SPATA16: variants seen among roughly 807,000 people sequenced by gnomAD.
The protein encoded by SPATA16 is spermatogenesis associated 16, also known as spermatogenesis-associated protein 16.
A neutral mutation model predicts 63.3 loss-of-function variants in SPATA16; 36 were observed. The observed-to-expected ratio is 0.57, with a 90% CI of 0.44 to 0.75. SPATA16 has a LOEUF of 0.75. Among genes scored for constraint, SPATA16 ranks in the 30% least tolerant of loss-of-function variants. The pLI is 0.00. For missense variants in SPATA16, 646 were observed against 679.3 expected (o/e 0.95, Z 0.54); for synonymous variants, 203 against 216.7 (o/e 0.94, Z 0.56).
chr3:172,975,992 A>T (rs1309578634), intron 5 of SPATA16, among the ~76,000 whole-genome samples: 1 of 152,124 alleles, frequency 6.6e-6, no homozygotes, highest in Non-Finnish European at 1.5e-5. Context: ...CTTTACAGTT[A>T]GTGGCTTAGA....
intron 10 of SPATA16, among the ~76,000 whole-genome samples, chr3:172,900,534 G>A (rs539528511): frequency 6.6e-6 from 1 of 152,206 alleles, no homozygotes; most frequent in African/African-American, 2.4e-5. Context: ...CTGAAACTCT[G>A]ATGTCATGAA....
At chr3:173,122,548 T>A (rs1269064513) in intron 1 of SPATA16, among the ~76,000 whole-genome samples, 1 of 152,218 alleles carries the variant, frequency 6.6e-6, no homozygotes, top group Non-Finnish European at 1.5e-5. Context: ...TGCTGTTAAA[T>A]GTAACCAGTG....
chr3:173,013,753 C>T (rs1050370788), intron 4 of SPATA16, among the ~76,000 whole-genome samples: 2 of 152,178 alleles, frequency 1.3e-5, no homozygotes, highest in African/African-American at 2.4e-5. Context: ...AGGCTCATGA[C>T]CTTCATTCTA....
intron 5 of SPATA16, among the ~76,000 whole-genome samples, chr3:172,967,318 A>G (rs1214004262): frequency 6.6e-6 from 1 of 152,226 alleles, no homozygotes; most frequent in Non-Finnish European, 1.5e-5. Context: ...CATTTAAATG[A>G]TGTGGGCTTC....
chr3:172,934,762 G>C (rs552755437), intron 6 of SPATA16, among the ~76,000 whole-genome samples: 26 of 152,128 alleles, frequency 1.7e-4, no homozygotes, highest in Admixed American at 1.6e-3. Flanking sequence ...AGTCAGCAAG[G>C]CTTTGACTTA....
intron 3 of SPATA16, 104 bp from the exon 4 acceptor site, chr3:173,019,679 T>C (rs1735274908): frequency 3.7e-6 from 4 of 1,079,540 alleles, no homozygotes; most frequent in Non-Finnish European, 5.6e-6. Flanking sequence ...ATATACTATG[T>C]GTTTTTAAAG....
chr3:172,950,678 A>G (rs964403470), intron 6 of SPATA16, among the ~76,000 whole-genome samples: 1 of 152,224 alleles, frequency 6.6e-6, no homozygotes, highest in Non-Finnish European at 1.5e-5. Context: ...CTGGTAAATG[A>G]TGACTGAACA....
chr3:172,961,508 G>T (rs935042235), intron 5 of SPATA16, among the ~76,000 whole-genome samples: 4 of 151,970 alleles, frequency 2.6e-5, no homozygotes. Context: ...TATTCTCCCA[G>T]TGCAGCCTCC....
At chr3:172,960,891 C>CTCCT (rs1315468517) in intron 5 of SPATA16, among the ~76,000 whole-genome samples, 2 of 81,100 alleles carry the variant, frequency 2.5e-5, no homozygotes, top group South Asian at 3.5e-4. Flanking sequence ...CTTTCTCTCT[C>CTCCT]TCCTTCCTTC....
At chr3:173,029,509 C>A (rs1237455861) in intron 3 of SPATA16, among the ~76,000 whole-genome samples, 1 of 151,468 alleles carries the variant, frequency 6.6e-6, no homozygotes, top group Non-Finnish European at 1.5e-5. Context: ...CAGGTGACAC[C>A]TTCACATGCA....
chr3:173,051,813 CT>C (rs11367724), intron 2 of SPATA16, among the ~76,000 whole-genome samples: 33,420 of 148,264 alleles, frequency 0.23, 4,015 homozygotes, highest in African/African-American at 0.31. Flanking sequence ...TTTAGGCACA[CT>C]TTTTTTTTTT....
In SPATA16 at chr3:173,019,742, A is replaced by G. The variant is rs1018760485; in HGVS notation, c.759-167T>C. Among the ~76,000 whole-genome samples, 5 of 152,350 alleles carry G rather than the reference A, an allele frequency of 3.3e-5. No homozygotes were observed. In the East Asian group the frequency reaches 9.6e-4, roughly 29 times the overall value. ...CCCCCGTAATTGGCAATTAAGACAA[A>G]TAAACAAGCATTATTGAAAAACTAA... On this transcript the variant is annotated intron_variant, in intron 3 of 10. Transcript: ENST00000351008.
intron 6 of SPATA16, among the ~76,000 whole-genome samples, chr3:172,954,237 G>A (rs540608841): frequency 3.5e-4 from 54 of 152,280 alleles, no homozygotes; most frequent in Non-Finnish European, 5.7e-4. Flanking sequence ...AGGCAAAGGA[G>A]GAAGAAAATC....
chr3:172,905,559 C>T (rs1732215851), intron 10 of SPATA16, among the ~76,000 whole-genome samples: 1 of 152,192 alleles, frequency 6.6e-6, no homozygotes, highest in Admixed American at 6.5e-5. Flanking sequence ...GTTTGCTTTG[C>T]CTACCTCAAC....
chr3:172,974,945 A>G (rs1734120246), intron 5 of SPATA16, among the ~76,000 whole-genome samples: 1 of 152,126 alleles, frequency 6.6e-6, no homozygotes, highest in Non-Finnish European at 1.5e-5. Flanking sequence ...GTTACATCCA[A>G]TCAAGAAACA....
At chr3:172,913,384 G>T (rs890268199) in intron 10 of SPATA16, among the ~76,000 whole-genome samples, 13 of 151,928 alleles carry the variant, frequency 8.6e-5, no homozygotes, top group Non-Finnish European at 1.9e-4. Flanking sequence ...GAGAACGAAG[G>T]CGCAGATAAT....
chr3:173,010,081 AG>A (rs1735030208), intron 4 of SPATA16, among the ~76,000 whole-genome samples: 1 of 152,186 alleles, frequency 6.6e-6, no homozygotes, highest in African/African-American at 2.4e-5. Context: ...CAGGAAAAGG[AG>A]GGGTTAAAAA....
At chr3:173,008,649 A>G (rs1402127759) in intron 4 of SPATA16, among the ~76,000 whole-genome samples, 2 of 152,168 alleles carry the variant, frequency 1.3e-5, no homozygotes, top group Admixed American at 1.3e-4. Context: ...ATCTTAGCCA[A>G]AGGGTCTAGA....
intron 10 of SPATA16, among the ~76,000 whole-genome samples, chr3:172,907,399 CTTCTA>C (rs1279497873): frequency 2.0e-5 from 3 of 152,194 alleles, no homozygotes; most frequent in African/African-American, 7.2e-5. Context: ...CATTTCCCTA[CTTCTA>C]TTCTTGCCTT....
Sources: gnomAD v4.1 joint callset for allele counts (sites outside exome capture counted in the v4.1 genomes callset) on GRCh38, gnomAD v4.1.1 for gene constraint, MANE v1.5 for transcripts, NCBI Gene and HGNC (gene_info 2026-07-23, HGNC 2026-07-21) for gene names.